Variants in CFTR observed in about 807,000 individuals in gnomAD.
CFTR encodes the protein cystic fibrosis transmembrane conductance regulator.
CFTR carries 181 observed loss-of-function variants against 171.6 expected under a neutral mutation model. The ratio of observed to expected loss-of-function variants is 1.05; its 90% CI spans 0.93 to 1.19. The LOEUF (loss-of-function observed/expected upper bound fraction) is 1.19. CFTR is among the 50% of genes most tolerant of loss of function. CFTR has a pLI of 0.00. For missense variants in CFTR, 1,968 were observed against 1,734.7 expected, an observed-to-expected ratio of 1.13 and a Z score of -2.39; for synonymous variants, 583 against 608.0, an observed-to-expected ratio of 0.96 and a Z score of 0.60.
chr7:117,499,664 A>G (rs1202922053), intron 1 of CFTR, among the ~76,000 whole-genome samples: 1 of 151,582 alleles, frequency 6.6e-6, no homozygotes, highest in Non-Finnish European at 1.5e-5. Context: ...AGAAATAGTC[A>G]GAACTAGGCT....
chr7:117,585,517 A>G (rs1791916834), intron 11 of CFTR, among the ~76,000 whole-genome samples: 1 of 152,208 alleles, frequency 6.6e-6, no homozygotes, highest in Admixed American at 6.5e-5. Flanking sequence ...GCTTTTTAAT[A>G]ATGTATTAGA....
intron 3 of CFTR, among the ~76,000 whole-genome samples, chr7:117,527,882 A>C (rs1357633839): frequency 2.8e-5 from 1 of 36,222 alleles, no homozygotes; most frequent in Non-Finnish European, 4.8e-5. Context: ...AACAAATGGA[A>C]GAACATTCCA....
At chr7:117,651,164 C>T (rs765436251) in intron 23 of CFTR, among the ~76,000 whole-genome samples, 4 of 152,186 alleles carry the variant, frequency 2.6e-5, no homozygotes, top group Non-Finnish European at 4.4e-5. Flanking sequence ...GTGTCCCACC[C>T]TTTTGGAGGA....
chr7:117,509,633 T>C (rs1372982018), intron 3 of CFTR, among the ~76,000 whole-genome samples: 7 of 152,146 alleles, frequency 4.6e-5, no homozygotes, highest in Non-Finnish European at 7.4e-5. Context: ...AAATAAATAA[T>C]ACTAAAAATT....
intron 1 of CFTR, among the ~76,000 whole-genome samples, chr7:117,502,507 C>A (rs1470186817): frequency 6.6e-6 from 1 of 152,220 alleles, no homozygotes; most frequent in African/African-American, 2.4e-5. Context: ...GGCTCATAAT[C>A]TAAATTATAT....
At chr7:117,554,217 A>G (rs1388466511) in intron 10 of CFTR, among the ~76,000 whole-genome samples, 1 of 152,184 alleles carries the variant, frequency 6.6e-6, no homozygotes, top group Non-Finnish European at 1.5e-5. Flanking sequence ...GTGCCAGTTC[A>G]GGCAAGTGAT....
At chr7:117,558,038 G>C (rs1475724087) in intron 10 of CFTR, among the ~76,000 whole-genome samples, 1 of 151,986 alleles carries the variant, frequency 6.6e-6, no homozygotes, top group East Asian at 1.9e-4. Flanking sequence ...TACTCACATA[G>C]TTGTGCAACT....
rs936321070 is a variant in CFTR, at chr7:117,652,760, A to T, written c.3874-82A>T. Reference sequence around the variant, plus strand: ...ATTTTAAAATAATTTTTCTACTTGAAATATTTTACAATACAATAAGGGAAA... The same window carrying T: ...ATTTTAAAATAATTTTTCTACTTGATATATTTTACAATACAATAAGGGAAA... On this transcript the variant is annotated intron_variant, in intron 23 of 26. Transcript: ENST00000003084. 27 of 708,460 alleles carry T rather than the reference A, an allele frequency of 3.8e-5. No homozygotes were observed. The African/African-American group carries it at 4.3e-4, about 11-fold the overall frequency. 43.9% of individuals were successfully genotyped at this position (708,460 alleles called of 1,614,324 possible).
intron 11 of CFTR, among the ~76,000 whole-genome samples, chr7:117,573,837 T>A: frequency 6.6e-6 from 1 of 152,256 alleles, no homozygotes; most frequent in East Asian, 1.9e-4. Context: ...CAGTAATTTT[T>A]ATGTAACAGG....
chr7:117,652,794 GTTATT>G, intron 23 of CFTR, 43 bp from the exon 24 acceptor site: 2 of 921,464 alleles, frequency 2.2e-6, no homozygotes, highest in Middle Eastern at 3.1e-4. Flanking sequence ...AAAATAAAAA[GTTATT>G]TAAGTTATTC....
At chr7:117,642,218 T>G (rs1792925463) in intron 22 of CFTR, among the ~76,000 whole-genome samples, 1 of 152,234 alleles carries the variant, frequency 6.6e-6, no homozygotes, top group African/African-American at 2.4e-5. Context: ...CAATTCCTTA[T>G]GGCCAGTTTC....
chr7:117,510,571 T>G (rs1394091652), intron 3 of CFTR, among the ~76,000 whole-genome samples: 1 of 152,208 alleles, frequency 6.6e-6, no homozygotes, highest in Non-Finnish European at 1.5e-5. Flanking sequence ...TTGATTAACC[T>G]AAGCACTACT....
In CFTR at chr7:117,548,641, G is replaced by C. The variant is rs200899224; in HGVS notation, c.1210G>C (p.Gly404Arg). The change falls in exon 10 of 27, where the codon GGA becomes CGA. Residue 404 changes from glycine to arginine, a missense_variant and splice_region_variant. Gly to Arg is a moderately radical substitution (Grantham distance 125, BLOSUM62 -2). Coordinates refer to ENST00000003084, the MANE Select transcript of CFTR (RefSeq NM_000492.4). ...GTGTGTGTGTGTGTTTTTTTAACAG[G>C]GATTTGGGGAATTATTTGAGAAAGC... ...MENVTAFWEE[G>R]FGELFEKAKQ... The C allele has an allele frequency of 1.9e-4, 305 of 1,611,490 alleles. 2 individuals are homozygous for C. The highest frequency in any genetic ancestry group is 2.5e-4 in the Non-Finnish European group (299 of 1,178,932).
intron 1 of CFTR, among the ~76,000 whole-genome samples, chr7:117,502,275 C>A (rs1017098475): frequency 2.6e-5 from 4 of 152,220 alleles, no homozygotes; most frequent in African/African-American, 7.2e-5. Context: ...AAGACCTAGG[C>A]TTTGCCATTT....
Position 117,629,211 on chromosome 7 carries a change from T to C in CFTR, c.3717+1441T>C, listed in dbSNP as rs552263571. On this transcript the variant is annotated intron_variant, in intron 22 of 26. Transcript: ENST00000003084. ...ATAGGCCATGCGTGTTCAGTAACTA[T>C]TCACTGCAAGGCACTCTCTAGGTAC... 3.9e-5 allele frequency among the ~76,000 whole-genome samples: 6 copies of C among 152,302 alleles called. No homozygotes were observed. The South Asian group carries it at 8.3e-4, about 21-fold the overall frequency.
intron 1 of CFTR, among the ~76,000 whole-genome samples, chr7:117,482,455 T>A (rs957736626): frequency 1.3e-5 from 2 of 152,120 alleles, no homozygotes; most frequent in African/African-American, 4.8e-5. Flanking sequence ...TTGAAGAACA[T>A]CTGAACTATC....
chr7:117,524,561 T>C (rs1040075993), intron 3 of CFTR, among the ~76,000 whole-genome samples: 1 of 152,202 alleles, frequency 6.6e-6, no homozygotes, highest in African/African-American at 2.4e-5. Flanking sequence ...GTAATGCAGA[T>C]ATATTTATAA....
intron 11 of CFTR, among the ~76,000 whole-genome samples, chr7:117,571,431 A>T (rs1791685710): frequency 6.6e-6 from 1 of 152,112 alleles, no homozygotes; most frequent in Non-Finnish European, 1.5e-5. Context: ...GACTTAGAGG[A>T]GATAGTTAAG....
chr7:117,491,736 C>T (rs1042271009), intron 1 of CFTR, among the ~76,000 whole-genome samples: 1 of 152,012 alleles, frequency 6.6e-6, no homozygotes. Context: ...TTAGTGACCT[C>T]ATTGGAATGT....
Sources: gnomAD v4.1 joint callset for allele counts (sites outside exome capture counted in the v4.1 genomes callset) on GRCh38, gnomAD v4.1.1 for gene constraint, MANE v1.5 for transcripts, NCBI Gene and HGNC (gene_info 2026-07-23, HGNC 2026-07-21) for gene names.